Variants in BCAS3 observed in about 807,000 individuals in gnomAD.
BCAS3 encodes BCAS4/BCAS3 fusion.
A neutral mutation model predicts 116.1 loss-of-function variants in BCAS3; 53 were observed. The observed-to-expected ratio is 0.46, with a 90% CI of 0.37 to 0.57. The LOEUF is 0.57. Among genes scored for constraint, BCAS3 ranks in the 20% least tolerant of loss-of-function variants. The probability of loss-of-function intolerance (pLI) is 0.00; values close to 1 mark genes in which losing one functional copy is unlikely to be tolerated. For synonymous variants in BCAS3, 391 were observed against 408.2 expected, an observed-to-expected ratio of 0.96 and a Z score of 0.51; for missense variants, 917 against 1,165.4, an observed-to-expected ratio of 0.79 and a Z score of 3.10.
At chr17:61,159,933 A>G (rs936100036) in intron 22 of BCAS3, among the ~76,000 whole-genome samples, 4 of 152,222 alleles carry the variant, frequency 2.6e-5, no homozygotes, top group African/African-American at 9.6e-5. Context: ...CACACAAGTT[A>G]ATACCTTTGA....
chr17:60,901,334 A>T (rs2057882245), intron 10 of BCAS3, among the ~76,000 whole-genome samples: 1 of 152,124 alleles, frequency 6.6e-6, no homozygotes, highest in Non-Finnish European at 1.5e-5. Context: ...TTTCTTGCTT[A>T]TGCAGCAGGA....
chr17:61,135,404 G>T (rs1350065359), intron 22 of BCAS3, among the ~76,000 whole-genome samples: 1 of 152,124 alleles, frequency 6.6e-6, no homozygotes, highest in African/African-American at 2.4e-5. Flanking sequence ...TTATTCCTTT[G>T]AATTAGCATA....
intron 22 of BCAS3, among the ~76,000 whole-genome samples, chr17:61,293,256 T>C (rs1401943103): frequency 2.6e-5 from 4 of 152,180 alleles, no homozygotes; most frequent in Admixed American, 2.6e-4. Flanking sequence ...GAAATAGTCA[T>C]AGTTTCATCT....
intron 22 of BCAS3, among the ~76,000 whole-genome samples, chr17:61,232,216 A>G (rs2082728327): frequency 6.6e-6 from 1 of 151,396 alleles, no homozygotes; most frequent in African/African-American, 2.4e-5. Context: ...AAAAAAAAAA[A>G]AAAAAGAAAG....
chr17:60,899,290 G>A (rs1275789474), intron 10 of BCAS3, among the ~76,000 whole-genome samples: 2 of 152,064 alleles, frequency 1.3e-5, no homozygotes, highest in Non-Finnish European at 2.9e-5. Flanking sequence ...GCATATACCT[G>A]TCTCACCCCC....
At chr17:61,070,778 G>T (rs1469434856) in intron 19 of BCAS3, among the ~76,000 whole-genome samples, 2 of 152,064 alleles carry the variant, frequency 1.3e-5, no homozygotes, top group African/African-American at 4.8e-5. Context: ...ACATTAGAAA[G>T]AATTACTTGT....
intron 22 of BCAS3, among the ~76,000 whole-genome samples, chr17:61,267,686 C>A (rs1032463659): frequency 6.7e-6 from 1 of 148,686 alleles, no homozygotes; most frequent in African/African-American, 2.5e-5. Context: ...CGTGCCACTG[C>A]ACTCCAGCCT....
rs937817932 is a variant in BCAS3 at position 61,367,746 on chromosome 17, G to A, written c.2426-581G>A. On this transcript the variant is annotated intron_variant, in intron 22 of 23. Coordinates refer to ENST00000407086, the MANE Select transcript of BCAS3 (RefSeq NM_017679.5). This position sits in a 1 kb window ranked among gnomAD's most constrained non-coding sequence, Gnocchi z 6.2. Reference sequence around the variant, plus strand: ...TTGGTTATAGGTTATAGAATATAATGGTTAAGAAAGCTTTAAAAACATTAG... The same window carrying A: ...TTGGTTATAGGTTATAGAATATAATAGTTAAGAAAGCTTTAAAAACATTAG... 6.6e-6 allele frequency: 1 copy of A among 152,082 alleles called. No homozygotes were observed. Among genetic ancestry groups the A allele is most frequent in the Non-Finnish European group, 1.5e-5 (1 of 68,018 alleles). The allele number at this position is 152,082 out of a possible 1,614,324, so 9.4% of individuals were successfully genotyped here.
chr17:60,832,433 T>A (rs574117580), intron 7 of BCAS3, among the ~76,000 whole-genome samples: 1 of 152,202 alleles, frequency 6.6e-6, no homozygotes, highest in South Asian at 2.1e-4. Context: ...TGACAGGATT[T>A]AAAAAAAATT....
At chr17:60,759,647 T>A (rs8064793) in intron 6 of BCAS3, among the ~76,000 whole-genome samples, 106,815 of 147,552 alleles carry the variant, frequency 0.72, 44,181 homozygotes, top group South Asian at 0.98. Flanking sequence ...TTTTTTTTTT[T>A]ACTGTTTTTG....
At chr17:60,806,960 GA>G (rs1465553430) in intron 6 of BCAS3, among the ~76,000 whole-genome samples, 1 of 152,134 alleles carries the variant, frequency 6.6e-6, no homozygotes, top group Non-Finnish European at 1.5e-5. Context: ...CTTAGGACTT[GA>G]TGGGAGCAGC....
chr17:61,106,218 GA>G lies in BCAS3; in HGVS notation c.2425+21660del, dbSNP rs2074639713. On this transcript the variant is annotated intron_variant, in intron 22 of 23. Transcript: ENST00000407086. This position sits in a 1 kb window ranked among gnomAD's most constrained non-coding sequence, Gnocchi z 4.2. ...CTGTATCATAGGTCTGTACATATAGGAAAAAACATGGTATATACAGTCATGT... is the reference window on the plus strand; with the variant it reads ...CTGTATCATAGGTCTGTACATATAGGAAAAACATGGTATATACAGTCATGT... Among the ~76,000 whole-genome samples the G allele has an allele frequency of 6.6e-6, 1 of 152,102 alleles. No homozygotes were observed. Among genetic ancestry groups the G allele is most frequent in the Non-Finnish European group, 1.5e-5 (1 of 68,016 alleles).
At chr17:60,829,091 T>C (rs1456152801) in intron 7 of BCAS3, among the ~76,000 whole-genome samples, 1 of 143,024 alleles carries the variant, frequency 7.0e-6, no homozygotes, top group African/African-American at 2.9e-5. Context: ...AAAATCTGTA[T>C]GTCTAGAACT....
rs1342322421 is a variant in BCAS3 at position 61,241,082 on chromosome 17, A to C, written c.2426-127245A>C. On this transcript the variant is annotated intron_variant, in intron 22 of 23. Transcript: ENST00000407086. The surrounding 1 kb of genome is among the most constrained non-coding windows in gnomAD (Gnocchi z 4.6). ...CACTCTCCATCACTTACCCTTCAAA[A>C]GACTCTGAATAGCAATTACAATACA... 3.9e-5 allele frequency among the ~76,000 whole-genome samples: 6 copies of C among 152,198 alleles called. No homozygotes were observed. The East Asian group carries it at 7.7e-4, about 20-fold the overall frequency.
intron 14 of BCAS3, among the ~76,000 whole-genome samples, chr17:60,973,399 T>C (rs1301151011): frequency 6.6e-6 from 1 of 152,018 alleles, no homozygotes; most frequent in Non-Finnish European, 1.5e-5. Context: ...TGTGGTGGCA[T>C]CCAGTGAAGG....
At chr17:60,692,771 C>T (rs1022416013) in intron 4 of BCAS3, among the ~76,000 whole-genome samples, 8 of 56,906 alleles carry the variant, frequency 1.4e-4, no homozygotes, top group African/African-American at 2.8e-4. Flanking sequence ...TGGCATGTAC[C>T]TGTAATCCCA....
At chr17:60,892,315 T>A (rs1035378711) in intron 10 of BCAS3, among the ~76,000 whole-genome samples, 41 of 150,148 alleles carry the variant, frequency 2.7e-4, no homozygotes, top group East Asian at 1.2e-3. Flanking sequence ...TTGACTTATT[T>A]TTTTTTTTTT....
At position 61,380,379 on chromosome 17, in the gene BCAS3, A is replaced by C. The variant is rs554325089; in HGVS notation, c.2594-11598A>C. On this transcript the variant is annotated intron_variant, in intron 23 of 23. Transcript: ENST00000407086. The surrounding 1 kb of genome is among the most constrained non-coding windows in gnomAD (Gnocchi z 4.2). The stretch of plus-strand genomic sequence containing the variant: ...CTGTGCCTGGGAACAGACCATGAAC[A>C]CCCCCGCAAAGCTCTCAGTGGTCAA... 7.7e-6 allele frequency: 6 copies of C among 783,674 alleles called. No homozygotes were observed. In the African/African-American group the frequency reaches 8.6e-5, roughly 11 times the overall value. The allele number at this position is 783,674 out of a possible 1,614,324, so 48.5% of individuals were successfully genotyped here.
chr17:60,765,778 A>C lies in BCAS3; in HGVS notation c.403+18499A>C, dbSNP rs186340126. Reference sequence around the variant, plus strand: ...GGGAGTTCTCCTGGATAATATCCTGAAGAGTGTTTTCCAGCTTGGTTCCAT... The same window carrying C: ...GGGAGTTCTCCTGGATAATATCCTGCAGAGTGTTTTCCAGCTTGGTTCCAT... On this transcript the variant is annotated intron_variant, in intron 6 of 23. Coordinates refer to ENST00000407086, the MANE Select transcript of BCAS3 (RefSeq NM_017679.5). Among the ~76,000 whole-genome samples, 40 of 152,266 alleles carry C rather than the reference A, an allele frequency of 2.6e-4. 1 individual carries two copies. Among genetic ancestry groups the C allele is most frequent in the African/African-American group, 7.0e-4 (29 of 41,550 alleles).
Sources: gnomAD v4.1 joint callset for allele counts (sites outside exome capture counted in the v4.1 genomes callset) on GRCh38, gnomAD v4.1.1 for gene constraint, Gnocchi (gnomAD v3.1) non-coding constraint, MANE v1.5 for transcripts, NCBI Gene and HGNC (gene_info 2026-07-23, HGNC 2026-07-21) for gene names.